DLG2: variants seen among roughly 807,000 people sequenced by gnomAD.
DLG2 encodes disks large homolog 2.
DLG2 carries 45 observed loss-of-function variants against 132.5 expected under a neutral mutation model. The observed-to-expected ratio is 0.34, with a 90% CI of 0.27 to 0.44. The LOEUF is 0.44. DLG2 is among the 20% of genes least tolerant of loss of function. DLG2 has a pLI of 1.00. For missense variants in DLG2, 1,045 were observed against 1,196.9 expected (o/e 0.87, Z 1.87); for synonymous variants, 424 against 419.6 (o/e 1.01, Z -0.13).
chr11:84,301,651 C>CAAAAA (rs753899806), intron 7 of DLG2, among the ~76,000 whole-genome samples: 7 of 26,584 alleles, frequency 2.6e-4, no homozygotes, highest in Admixed American at 4.4e-4. Flanking sequence ...AGGCGAGACT[C>CAAAAA]AAAAAAAAAA....
In DLG2 at chr11:84,919,519, C is replaced by T. The variant is rs547022959; in HGVS notation, c.357+192142G>A. 2.2e-3 allele frequency among the ~76,000 whole-genome samples: 338 copies of T among 152,152 alleles called. 2 individuals carry two copies. The highest frequency in any genetic ancestry group is 5.6e-3 in the African/African-American group (232 of 41,506). On this transcript the variant is annotated intron_variant, in intron 6 of 27. Coordinates refer to ENST00000376104, the MANE Select transcript of DLG2 (RefSeq NM_001142699.3). ...TTTACTCTAAAGAGTAGTAAGTCACCGCTCAAGAGACTCTGCTTCTGACAC... is the reference window on the plus strand; with the variant it reads ...TTTACTCTAAAGAGTAGTAAGTCACTGCTCAAGAGACTCTGCTTCTGACAC...
At chr11:84,913,084 T>C (rs2092220264) in intron 6 of DLG2, among the ~76,000 whole-genome samples, 1 of 152,094 alleles carries the variant, frequency 6.6e-6, no homozygotes, top group Non-Finnish European at 1.5e-5. Context: ...TTCTACAGGA[T>C]TTGTGGATTA....
intron 4 of DLG2, among the ~76,000 whole-genome samples, chr11:85,281,916 A>T (rs2078251891): frequency 6.6e-6 from 1 of 152,032 alleles, no homozygotes; most frequent in Admixed American, 6.6e-5. Context: ...TCCAATGTTT[A>T]TTGCAGCACC....
At chr11:84,805,828 G>A (rs567582931) in intron 6 of DLG2, among the ~76,000 whole-genome samples, 8 of 152,106 alleles carry the variant, frequency 5.3e-5, no homozygotes, top group Non-Finnish European at 7.4e-5. Flanking sequence ...CAAGTCTCAG[G>A]TATTTCTTTA....
chr11:84,650,871 GTGTATATA>G (rs1423705431), intron 6 of DLG2, among the ~76,000 whole-genome samples: 148 of 124,640 alleles, frequency 1.2e-3, no homozygotes, highest in African/African-American at 5.1e-3. Flanking sequence ...GTGTGTGTGT[GTGTATATA>G]TATATATATA....
At chr11:84,450,815 A>T (rs1212491994) in intron 7 of DLG2, among the ~76,000 whole-genome samples, 2 of 151,638 alleles carry the variant, frequency 1.3e-5, no homozygotes, top group African/African-American at 4.8e-5. Flanking sequence ...AGCAGAGGCC[A>T]TGCCTGTTTA....
chr11:84,087,543 T>C (rs79256189), intron 10 of DLG2, among the ~76,000 whole-genome samples: 2,393 of 152,316 alleles, frequency 0.016, 51 homozygotes, highest in African/African-American at 0.055. Context: ...CCTGTGAATA[T>C]GTTACTTTAT....
At chr11:85,118,463 C>A (rs572984652) in intron 5 of DLG2, among the ~76,000 whole-genome samples, 1 of 151,950 alleles carries the variant, frequency 6.6e-6, no homozygotes. Context: ...ACCTAGCTAC[C>A]CAGATTAACA....
At chr11:83,909,328 C>T (rs1745094904) in intron 15 of DLG2, among the ~76,000 whole-genome samples, 1 of 152,122 alleles carries the variant, frequency 6.6e-6, no homozygotes, top group Non-Finnish European at 1.5e-5. Context: ...CCTTTCAGTG[C>T]TAACGCTCTT....
chr11:83,675,577 C>T (rs1592241387), intron 18 of DLG2, among the ~76,000 whole-genome samples: 1 of 152,194 alleles, frequency 6.6e-6, no homozygotes, highest in Non-Finnish European at 1.5e-5. Context: ...CATTGATTGA[C>T]TCCAAATCTG....
chr11:84,426,746 C>G (rs778148375), intron 7 of DLG2, among the ~76,000 whole-genome samples: 1 of 152,094 alleles, frequency 6.6e-6, no homozygotes, highest in Non-Finnish European at 1.5e-5. Context: ...CATTTATCAG[C>G]TGGAAGATAA....
At chr11:84,855,171 G>C (rs975595459) in intron 6 of DLG2, among the ~76,000 whole-genome samples, 1 of 151,966 alleles carries the variant, frequency 6.6e-6, no homozygotes, top group African/African-American at 2.4e-5. Flanking sequence ...CATGTTAACT[G>C]CTACTGGCAT....
At chr11:84,469,729 G>T (rs2099103808) in intron 7 of DLG2, among the ~76,000 whole-genome samples, 1 of 151,532 alleles carries the variant, frequency 6.6e-6, no homozygotes, top group South Asian at 2.1e-4. Context: ...CATTAATATT[G>T]AAATATTTGC....
chr11:83,701,598 C>G (rs1396932755), intron 18 of DLG2, among the ~76,000 whole-genome samples: 1 of 152,016 alleles, frequency 6.6e-6, no homozygotes, highest in Non-Finnish European at 1.5e-5. Flanking sequence ...GAATTAGGGA[C>G]GCTATGAAAG....
intron 4 of DLG2, among the ~76,000 whole-genome samples, chr11:85,177,534 G>A (rs1253277610): frequency 1.3e-5 from 2 of 152,084 alleles, no homozygotes; most frequent in African/African-American, 4.8e-5. Flanking sequence ...GTGGCAGAGT[G>A]AGGGAGAGCA....
intron 7 of DLG2, among the ~76,000 whole-genome samples, chr11:84,453,227 G>A (rs1350095645): frequency 6.6e-6 from 1 of 151,652 alleles, no homozygotes; most frequent in East Asian, 1.9e-4. Context: ...GTAAAGCCTT[G>A]ATCACTGGCT....
At chr11:85,575,877 T>C (rs2078128809) in intron 3 of DLG2, among the ~76,000 whole-genome samples, 1 of 152,176 alleles carries the variant, frequency 6.6e-6, no homozygotes, top group Non-Finnish European at 1.5e-5. Context: ...AGAGCAGGAA[T>C]ATCTGTCTGA....
intron 3 of DLG2, among the ~76,000 whole-genome samples, chr11:85,431,700 C>T (rs2091195888): frequency 1.3e-5 from 2 of 152,248 alleles, no homozygotes; most frequent in Non-Finnish European, 2.9e-5. Context: ...AGTGGTGCCA[C>T]AGTCTCCATG....
intron 18 of DLG2, among the ~76,000 whole-genome samples, chr11:83,697,778 A>AT (rs1159837602): frequency 1.3e-5 from 2 of 152,186 alleles, no homozygotes; most frequent in Non-Finnish European, 2.9e-5. Context: ...TGCAGGTGGG[A>AT]TTTAAAAAGA....
Sources: gnomAD v4.1 joint callset for allele counts (sites outside exome capture counted in the v4.1 genomes callset) on GRCh38, gnomAD v4.1.1 for gene constraint, MANE v1.5 for transcripts, NCBI Gene and HGNC (gene_info 2026-07-23, HGNC 2026-07-21) for gene names.